POU6F2: variants seen among roughly 807,000 people sequenced by gnomAD.
POU6F2 encodes the protein POU domain, class 6, transcription factor 2.
A neutral mutation model predicts 71.3 loss-of-function variants in POU6F2; 31 were observed. The ratio of observed to expected loss-of-function variants is 0.43; its 90% CI spans 0.33 to 0.59. The LOEUF is 0.59. Among genes scored for constraint, POU6F2 ranks in the 20% least tolerant of loss-of-function variants. The probability of loss-of-function intolerance (pLI) is 0.04; values close to 1 mark genes in which losing one functional copy is unlikely to be tolerated. For synonymous variants in POU6F2, 347 were observed against 355.7 expected (o/e 0.98, Z 0.27); for missense variants, 783 against 856.8 (o/e 0.91, Z 1.07).
chr7:39,003,957 G>A (rs193182548), intron 1 of POU6F2, among the ~76,000 whole-genome samples: 133 of 152,020 alleles, frequency 8.7e-4, no homozygotes, highest in African/African-American at 3.0e-3. Context: ...CCAAACTTTC[G>A]GCAGTGATAA....
intron 1 of POU6F2, among the ~76,000 whole-genome samples, chr7:39,047,510 T>G (rs189214869): frequency 2.0e-5 from 3 of 152,028 alleles, no homozygotes; most frequent in African/African-American, 7.2e-5. Context: ...TTTCAGATTG[T>G]TCATTACTAG....
intron 5 of POU6F2, among the ~76,000 whole-genome samples, chr7:39,394,640 A>G (rs1381650947): frequency 1.4e-4 from 21 of 152,192 alleles, no homozygotes; most frequent in Non-Finnish European, 1.5e-5. Flanking sequence ...GAGCATAGCC[A>G]GCTTTCTGAC....
intron 1 of POU6F2, among the ~76,000 whole-genome samples, chr7:38,983,957 C>G (rs1003736895): frequency 6.6e-6 from 1 of 151,966 alleles, no homozygotes; most frequent in African/African-American, 2.4e-5. Context: ...GCTTTAAAAC[C>G]CCCATGGTAT....
intron 1 of POU6F2, among the ~76,000 whole-genome samples, chr7:39,074,428 C>T (rs1014807561): frequency 1.3e-5 from 2 of 151,696 alleles, no homozygotes; most frequent in Admixed American, 6.6e-5. Context: ...TGCAGTGAGC[C>T]GAGATCACGC....
In POU6F2 at chr7:39,317,920, C is replaced by T. The variant is rs148781806; in HGVS notation, c.599-21722C>T. Among the ~76,000 whole-genome samples, 10 of 152,246 alleles carry T rather than the reference C, an allele frequency of 6.6e-5. No homozygotes were observed. In the East Asian group the frequency reaches 1.9e-3, roughly 29 times the overall value. On this transcript the variant is annotated intron_variant, in intron 4 of 9. Transcript: ENST00000518318. ...TTGGCAGAATGCTGGCAAAGGAATC[C>T]TCAAATTACTAGTCACTCTTTCACT...
chr7:39,400,615 A>G (rs1349992175), intron 5 of POU6F2, among the ~76,000 whole-genome samples: 3 of 150,908 alleles, frequency 2.0e-5, no homozygotes, highest in African/African-American at 7.3e-5. Flanking sequence ...CCCTACAAAC[A>G]CTCCAGAGCC....
chr7:39,114,747 T>C (rs535012939), intron 2 of POU6F2, among the ~76,000 whole-genome samples: 1 of 152,286 alleles, frequency 6.6e-6, no homozygotes, highest in South Asian at 2.1e-4. Flanking sequence ...CTTTTAATGT[T>C]TAATAATATT....
At chr7:39,432,534 A>G (rs1788127707) in intron 6 of POU6F2, among the ~76,000 whole-genome samples, 1 of 152,148 alleles carries the variant, frequency 6.6e-6, no homozygotes, top group Non-Finnish European at 1.5e-5. Context: ...CACCACTGTG[A>G]ACACCAGGGT....
chr7:38,999,253 C>A (rs1357290422), intron 1 of POU6F2, among the ~76,000 whole-genome samples: 1 of 151,968 alleles, frequency 6.6e-6, no homozygotes, highest in Non-Finnish European at 1.5e-5. Context: ...CCACTGGATA[C>A]TTTTTTATTA....
chr7:39,444,146 G>C (rs889534405), intron 7 of POU6F2, among the ~76,000 whole-genome samples: 17 of 152,256 alleles, frequency 1.1e-4, no homozygotes, highest in African/African-American at 3.9e-4. Context: ...CCAATGATGA[G>C]AGAAGAACAT....
intron 5 of POU6F2, among the ~76,000 whole-genome samples, chr7:39,380,297 T>C (rs1786800449): frequency 6.6e-6 from 1 of 152,222 alleles, no homozygotes; most frequent in African/African-American, 2.4e-5. Flanking sequence ...CCTCAGTTTT[T>C]TCACCTGAGA....
intron 5 of POU6F2, among the ~76,000 whole-genome samples, chr7:39,352,399 G>A (rs952372178): frequency 2.0e-5 from 3 of 152,266 alleles, no homozygotes; most frequent in African/African-American, 7.2e-5. Context: ...AGGGGAGGCG[G>A]CAGCTTCTCC....
chr7:39,427,596 A>G (rs1379499049), intron 6 of POU6F2, among the ~76,000 whole-genome samples: 1 of 152,192 alleles, frequency 6.6e-6, no homozygotes, highest in Non-Finnish European at 1.5e-5. Context: ...ACCAAACAGT[A>G]TCAAGAATGG....
At chr7:39,327,269 ACT>A (rs1432993208) in intron 4 of POU6F2, among the ~76,000 whole-genome samples, 1 of 136,104 alleles carries the variant, frequency 7.3e-6, no homozygotes, top group Non-Finnish European at 1.6e-5. Context: ...ACAGAGGGAG[ACT>A]CTGTCTCAAA....
At chr7:39,330,287 A>G (rs1276280720) in intron 4 of POU6F2, among the ~76,000 whole-genome samples, 2 of 152,234 alleles carry the variant, frequency 1.3e-5, no homozygotes, top group Non-Finnish European at 2.9e-5. Context: ...AGAGAAGCAT[A>G]GCACGATTTT....
chr7:39,361,429 C>T (rs1159008197), intron 5 of POU6F2, among the ~76,000 whole-genome samples: 1 of 152,108 alleles, frequency 6.6e-6, no homozygotes, highest in Non-Finnish European at 1.5e-5. Context: ...AATTAGAATC[C>T]GTCAGTTTGA....
intron 1 of POU6F2, among the ~76,000 whole-genome samples, chr7:39,022,718 C>CT (rs1202200862): frequency 1.3e-5 from 2 of 151,582 alleles, no homozygotes; most frequent in African/African-American, 4.8e-5. Context: ...CATCTTTTTT[C>CT]TTTTTTGCTG....
At chr7:39,369,751 A>T (rs1219722286) in intron 5 of POU6F2, among the ~76,000 whole-genome samples, 2 of 151,982 alleles carry the variant, frequency 1.3e-5, no homozygotes. Context: ...TGGTGTGATC[A>T]TAGTTCACTA....
rs544805380 is a variant in POU6F2 at position 39,223,986 on chromosome 7, A to G, written c.598+16366A>G. On this transcript the variant is annotated intron_variant, in intron 4 of 9. Coordinates refer to ENST00000518318, the MANE Select transcript of POU6F2 (RefSeq NM_001370959.1). ...TTTGTGTTTAGAGTTTTCACATGCA[A>G]TAGATGATTTTGTTTAAGTCAAGTG... Among the ~76,000 whole-genome samples the G allele has an allele frequency of 1.7e-4, 26 of 152,296 alleles. No homozygotes were observed. In the South Asian group the frequency reaches 5.2e-3, roughly 30 times the overall value.
Sources: allele counts gnomAD v4.1 joint callset (sites outside exome capture counted in the v4.1 genomes callset), GRCh38; gene constraint gnomAD v4.1.1; transcripts MANE v1.5; gene names NCBI Gene and HGNC (gene_info 2026-07-23, HGNC 2026-07-21).